PPARGC1A: variants seen among roughly 807,000 people sequenced by gnomAD.
The protein encoded by PPARGC1A is PPARG coactivator 1 alpha.
In PPARGC1A, 25 loss-of-function variants were observed where a neutral mutation model predicts 88.7. That is an observed-to-expected ratio of 0.28 (90% CI 0.21 to 0.39). PPARGC1A has a LOEUF of 0.39. PPARGC1A is among the 10% of genes least tolerant of loss of function. PPARGC1A has a pLI of 1.00. For synonymous variants in PPARGC1A, 363 were observed against 355.6 expected (o/e 1.02, Z -0.24); for missense variants, 880 against 968.7 (o/e 0.91, Z 1.22).
the PPARGC1A span, among the ~76,000 whole-genome samples, chr4:24,155,503 A>C: frequency 6.6e-6 from 1 of 151,722 alleles, no homozygotes; most frequent in Non-Finnish European, 1.5e-5. Context: ...CAGGAGGCTG[A>C]GGCATGAGGA....
chr4:23,800,196 T>G (rs1454634052), intron 12 of PPARGC1A, among the ~76,000 whole-genome samples: 1 of 152,178 alleles, frequency 6.6e-6, no homozygotes, highest in East Asian at 1.9e-4. Context: ...TGCATATAGA[T>G]ATCTAATAAT....
At chr4:24,321,157 T>G in the PPARGC1A span, among the ~76,000 whole-genome samples, 1 of 152,198 alleles carries the variant, frequency 6.6e-6, no homozygotes, top group Non-Finnish European at 1.5e-5. Context: ...AAATTAAATT[T>G]GCCGGTGTCG....
the PPARGC1A span, among the ~76,000 whole-genome samples, chr4:23,910,371 TTATATTATA>T: frequency 7.5e-3 from 727 of 97,508 alleles, 9 homozygotes; most frequent in African/African-American, 0.027. Flanking sequence ...ATATATTATA[TTATATTATA>T]TATATTATAT....
the PPARGC1A span, among the ~76,000 whole-genome samples, chr4:24,102,734 C>T: frequency 6.6e-6 from 1 of 152,110 alleles, no homozygotes; most frequent in Non-Finnish European, 1.5e-5. Context: ...ATCTTCCTGG[C>T]AGGGATTGTG....
chr4:24,264,790 T>C, the PPARGC1A span, among the ~76,000 whole-genome samples: 1 of 152,316 alleles, frequency 6.6e-6, no homozygotes, highest in South Asian at 2.1e-4. Flanking sequence ...CCAGAGCAGG[T>C]GTACAAGAAC....
chr4:23,863,454 C>A (rs1731601091), intron 2 of PPARGC1A, among the ~76,000 whole-genome samples: 1 of 152,110 alleles, frequency 6.6e-6, no homozygotes, highest in African/African-American at 2.4e-5. Flanking sequence ...TGAAATCTCC[C>A]CTCATGTTAA....
At chr4:24,378,753 TA>T in the PPARGC1A span, among the ~76,000 whole-genome samples, 4 of 152,202 alleles carry the variant, frequency 2.6e-5, no homozygotes, top group African/African-American at 7.2e-5. Flanking sequence ...ACTTCACAAA[TA>T]TGAACTAGTT....
At chr4:24,205,611 T>C in the PPARGC1A span, among the ~76,000 whole-genome samples, 1 of 152,180 alleles carries the variant, frequency 6.6e-6, no homozygotes, top group Non-Finnish European at 1.5e-5. Flanking sequence ...ATGTGCACCT[T>C]TGACCTGCCC....
the PPARGC1A span, among the ~76,000 whole-genome samples, chr4:24,374,733 G>C: frequency 6.6e-6 from 1 of 152,084 alleles, no homozygotes; most frequent in Admixed American, 6.6e-5. Context: ...CAACAAGTCA[G>C]ATACTAACAA....
the PPARGC1A span, among the ~76,000 whole-genome samples, chr4:24,371,515 A>G: frequency 6.6e-6 from 1 of 152,138 alleles, no homozygotes; most frequent in Non-Finnish European, 1.5e-5. Flanking sequence ...TGTCTTCTCC[A>G]AAGAGCTGAC....
the PPARGC1A span, among the ~76,000 whole-genome samples, chr4:24,434,481 T>C: frequency 1.3e-5 from 2 of 152,182 alleles, no homozygotes; most frequent in Admixed American, 6.5e-5. Flanking sequence ...AAAGCTGTTA[T>C]CTTCTGGCGG....
At chr4:24,148,726 C>T in the PPARGC1A span, among the ~76,000 whole-genome samples, 1 of 152,200 alleles carries the variant, frequency 6.6e-6, no homozygotes, top group African/African-American at 2.4e-5. Context: ...TCAGTTCAAA[C>T]ATGCTAAGTC....
At chr4:23,890,602 C>CTTTTTTTTTT (rs56855205), upstream of PPARGC1A, among the ~76,000 whole-genome samples, 8 of 103,230 alleles carry the variant, frequency 7.7e-5, no homozygotes, top group African/African-American at 1.5e-4. Context: ...GCAAACGGGG[C>CTTTTTTTTTT]TTTTTTTTTT....
chr4:24,361,555 A>G, the PPARGC1A span, among the ~76,000 whole-genome samples: 117 of 152,246 alleles, frequency 7.7e-4, no homozygotes, highest in African/African-American at 2.5e-3. Flanking sequence ...ATCCTTGTCT[A>G]TAGATGGGAT....
the PPARGC1A span, among the ~76,000 whole-genome samples, chr4:24,401,245 C>T: frequency 1.3e-5 from 2 of 152,120 alleles, no homozygotes; most frequent in African/African-American, 4.8e-5. Context: ...GTCTCGATCT[C>T]CTGACCTCAT....
chr4:24,113,558 T>C, the PPARGC1A span, among the ~76,000 whole-genome samples: 1 of 152,196 alleles, frequency 6.6e-6, no homozygotes, highest in Non-Finnish European at 1.5e-5. Flanking sequence ...AGTCCAATCC[T>C]GATCATTTGA....
the PPARGC1A span, among the ~76,000 whole-genome samples, chr4:23,917,713 AT>A: frequency 1.3e-5 from 2 of 152,206 alleles, no homozygotes; most frequent in Non-Finnish European, 2.9e-5. Context: ...AGTTGAAATA[AT>A]GAGTGAAGCC....
the PPARGC1A span, among the ~76,000 whole-genome samples, chr4:24,271,140 A>G: frequency 1.1e-4 from 16 of 152,232 alleles, no homozygotes; most frequent in African/African-American, 3.9e-4. Flanking sequence ...ATTAGAAATC[A>G]TTATACTGTA....
At chr4:24,044,361 G>A in the PPARGC1A span, among the ~76,000 whole-genome samples, 1 of 152,138 alleles carries the variant, frequency 6.6e-6, no homozygotes, top group African/African-American at 2.4e-5. Flanking sequence ...ACCATAATGA[G>A]TCTCTTAAAA....
Sources: allele counts gnomAD v4.1 joint callset (sites outside exome capture counted in the v4.1 genomes callset), GRCh38; gene constraint gnomAD v4.1.1; transcripts MANE v1.5; gene names NCBI Gene and HGNC (gene_info 2026-07-23, HGNC 2026-07-21).